Variants in RBBP5 observed in about 807,000 individuals in gnomAD.
RBBP5 encodes the protein retinoblastoma-binding protein 5.
RBBP5 carries 5 observed loss-of-function variants against 72.2 expected under a neutral mutation model. The ratio of observed to expected loss-of-function variants is 0.07; its 90% confidence interval spans 0.04 to 0.15. RBBP5 has a LOEUF of 0.15. RBBP5 is among the 10% of genes least tolerant of loss of function. The pLI, the probability that RBBP5 is intolerant of heterozygous loss-of-function variation, is 1.00. For synonymous variants in RBBP5, 209 were observed against 237.2 expected, an observed-to-expected ratio of 0.88 and a Z score of 1.09; for missense variants, 322 against 652.2, an observed-to-expected ratio of 0.49 and a Z score of 5.51.
intron 5 of RBBP5, among the ~76,000 whole-genome samples, 185 bp from the exon 6 acceptor site, chr1:205,101,894 CTTTTT>C (rs10562809): frequency 3.3e-5 from 4 of 119,736 alleles, no homozygotes; most frequent in Admixed American, 9.1e-5. Context: ...TTAATCTAGT[CTTTTT>C]TTTTTTTTTT....
intron 13 of RBBP5, among the ~76,000 whole-genome samples, chr1:205,093,513 T>C (rs1295140882): frequency 1.0e-4 from 1 of 9,960 alleles, no homozygotes; most frequent in African/African-American, 4.8e-4. Context: ...TATATATATA[T>C]ATATATATAT....
chr1:205,113,759 AC>A (rs1656412545), intron 3 of RBBP5, among the ~76,000 whole-genome samples: 1 of 149,098 alleles, frequency 6.7e-6, no homozygotes, highest in South Asian at 2.1e-4. Context: ...ATCTCAGCTC[AC>A]TGCAACCTCT....
chr1:205,118,504 T>C (rs1235129454), intron 1 of RBBP5, among the ~76,000 whole-genome samples: 1 of 152,068 alleles, frequency 6.6e-6, no homozygotes, highest in African/African-American at 2.4e-5. Context: ...TCCCAGCTAC[T>C]TGGGAGGCTG....
At chr1:205,104,892 GA>G in intron 4 of RBBP5, 135 bp downstream of exon 4, 1 of 1,030,436 alleles carries the variant, frequency 9.7e-7, no homozygotes, top group Non-Finnish European at 1.4e-6. Context: ...AACCTAGATG[GA>G]AAGATTATTT....
rs34699278 is a variant in RBBP5, at chr1:205,113,686, A to ATTT, written c.218+1100_218+1102dup. 4.1e-4 allele frequency among the ~76,000 whole-genome samples: 52 copies of ATTT among 125,770 alleles called. 1 individual carries two copies. The highest frequency in any genetic ancestry group is 2.5e-3 in the South Asian group (11 of 4,376). 82.5% of individuals were successfully genotyped at this position (125,770 alleles called of 152,430 possible). A position where few individuals can be genotyped will look rare whatever the true frequency, so the allele number is the denominator to read the frequency against. On this transcript the variant is annotated intron_variant, in intron 3 of 13. Coordinates refer to ENST00000264515, the MANE Select transcript of RBBP5 (RefSeq NM_005057.4). ...CATACACACACACATAAAAATGTGT[A>ATTT]TTTTTTTTTTTTTTTTGAAACAGAG... is the stretch of plus-strand genomic sequence containing the variant.
intron 4 of RBBP5, 130 bp downstream of exon 4, chr1:205,104,898 T>C (rs113686936): frequency 0.051 from 54,403 of 1,058,794 alleles, 3,342 homozygotes; most frequent in African/African-American, 0.24. Context: ...GATGGAAAGA[T>C]TATTTTATGT....
At chr1:205,094,016 T>C (rs1655518671) in intron 13 of RBBP5, among the ~76,000 whole-genome samples, 1 of 152,120 alleles carries the variant, frequency 6.6e-6, no homozygotes, top group Non-Finnish European at 1.5e-5. Flanking sequence ...AAAAACAATT[T>C]CCAAAGCCCA....
At chr1:205,097,223 T>G (rs571340240) in intron 11 of RBBP5, 103 bp downstream of exon 11, 1 of 1,120,912 alleles carries the variant, frequency 8.9e-7, no homozygotes, top group Middle Eastern at 2.7e-4. Flanking sequence ...TTTTAGCTAA[T>G]AAGCAGACGG....
chr1:205,109,119 T>G (rs4950982), intron 3 of RBBP5, among the ~76,000 whole-genome samples: 1 of 151,968 alleles, frequency 6.6e-6, no homozygotes, highest in Non-Finnish European at 1.5e-5. Flanking sequence ...TCTCTTCTAC[T>G]GGGTCTAGAA....
chr1:205,101,744 T>C (rs368477497), intron 5 of RBBP5, 35 bp from the exon 6 acceptor site: 8 of 1,412,100 alleles, frequency 5.7e-6, no homozygotes, highest in African/African-American at 5.7e-5. Flanking sequence ...AAAGTAAGTG[T>C]TCCAATAACT....
In RBBP5 at chr1:205,096,887, C is replaced by T. The variant is rs1434697921; in HGVS notation, c.1191G>A (p.Lys397=). The stretch of plus-strand genomic sequence containing the variant: ...GGGCAATGGGTAAATACAATAGAGC[C>T]TTTGAATCTTCCAGCTCTTCATCAC... ...CSSDEELEDS[K]ALLYLPIAPE... is the part of the protein sequence containing the mutation. Residue 397 remains lysine (K), a synonymous_variant, in exon 12 of 14, where the codon AAG becomes AAA. Coordinates refer to ENST00000264515, the MANE Select transcript of RBBP5 (RefSeq NM_005057.4). The T allele has an allele frequency of 1.2e-6, 2 of 1,602,584 alleles. No homozygotes were observed. Among genetic ancestry groups the T allele is most frequent in the Non-Finnish European group, 1.7e-6 (2 of 1,175,164 alleles).
At chr1:205,109,876 G>T (rs940757089) in intron 3 of RBBP5, among the ~76,000 whole-genome samples, 1 of 151,968 alleles carries the variant, frequency 6.6e-6, no homozygotes, top group Non-Finnish European at 1.5e-5. Flanking sequence ...TCCTAACAAG[G>T]GGGGTGGCAA....
At chr1:205,107,087 TAC>T (rs140160270) in intron 3 of RBBP5, among the ~76,000 whole-genome samples, 2,999 of 149,916 alleles carry the variant, frequency 0.02, 60 homozygotes, top group Admixed American at 0.065. Context: ...TATATATATA[TAC>T]ACACACACAC....
At position 205,103,987 on chromosome 1, in the gene RBBP5, G is replaced by A; in HGVS notation, c.392C>T (p.Ala131Val). Residue 131 changes from alanine to valine, a missense_variant, in exon 5 of 14, where the codon GCT (alanine) becomes GTT (valine). This residue lies in a region of RBBP5 where 161 missense variants were observed against 327.8 expected (regional missense o/e 0.49). Coordinates refer to ENST00000264515, the MANE Select transcript of RBBP5 (RefSeq NM_005057.4). ...ATCTGAAAGGGTCAACATGACAGGA[G>A]CAGATTTCATGGGACACACGAGAAC... Reference protein sequence around the residue: ...NKVLVCPMKSAPVMLTLSDSK... With the variant: ...NKVLVCPMKSVPVMLTLSDSK... 1 of 1,614,036 alleles carries A rather than the reference G, an allele frequency of 6.2e-7. No individual in the cohort carries two copies. The highest frequency in any genetic ancestry group is 8.5e-7 in the Non-Finnish European group (1 of 1,179,904).
chr1:205,110,324 C>T (rs1475266152), intron 3 of RBBP5, among the ~76,000 whole-genome samples: 1 of 151,974 alleles, frequency 6.6e-6, no homozygotes, highest in Non-Finnish European at 1.5e-5. Context: ...CCAGCCAGTA[C>T]CTACCAGTTC....
chr1:205,103,788 GAAACA>G, intron 5 of RBBP5, 64 bp downstream of exon 5: 6 of 1,544,678 alleles, frequency 3.9e-6, no homozygotes, highest in Non-Finnish European at 5.3e-6. Context: ...ATTTTCAAAA[GAAACA>G]AAACAAGTAA....
chr1:205,086,669 A>G lies in RBBP5; in HGVS notation c.*2118T>C, dbSNP rs1247432327. 1 of 152,238 alleles carries G rather than the reference A, an allele frequency of 6.6e-6. No homozygotes were observed. Among genetic ancestry groups the G allele is most frequent in the Non-Finnish European group, 1.5e-5 (1 of 68,044 alleles). The allele number at this position is 152,238 out of a possible 1,614,324, so 9.4% of individuals were successfully genotyped here. ...GATAGAAGGTTTTTTAAAAGTTGAAAAAAAAATTCCAAAAACATAAATAAT... is the reference window on the plus strand; with the variant it reads ...GATAGAAGGTTTTTTAAAAGTTGAAGAAAAAATTCCAAAAACATAAATAAT... On this transcript the variant is annotated 3_prime_UTR_variant, in exon 14 of 14. Coordinates refer to ENST00000264515, the MANE Select transcript of RBBP5 (RefSeq NM_005057.4).
chr1:205,112,243 G>A (rs1176133671), intron 3 of RBBP5, among the ~76,000 whole-genome samples: 3 of 151,950 alleles, frequency 2.0e-5, no homozygotes, highest in South Asian at 2.1e-4. Context: ...GCCTGAACCC[G>A]GGAGGTGGAG....
In RBBP5 at chr1:205,096,731, C is replaced by T. The variant is rs1655634146; in HGVS notation, c.1347G>A (p.Lys449=). The change falls in exon 12 of 14, where the codon AAG becomes AAA. Residue 449 remains lysine, a synonymous_variant. Transcript: ENST00000264515. Reference sequence around the variant, plus strand: ...CTATATTGGTTGTTTTGGGTTTCTTCTTAGGTGGCTGGGACCCATCTGCTG... The same window carrying T: ...CTATATTGGTTGTTTTGGGTTTCTTTTTAGGTGGCTGGGACCCATCTGCTG... ...QSSADGSQPP[K]KKPKTTNIEL... The T allele has an allele frequency of 6.8e-6, 11 of 1,614,152 alleles. No individual in the cohort carries two copies. The highest frequency in any genetic ancestry group is 9.3e-6 in the Non-Finnish European group (11 of 1,180,032).
Sources: gnomAD v4.1 joint callset for allele counts (sites outside exome capture counted in the v4.1 genomes callset) on GRCh38, gnomAD v4.1.1 for gene constraint, gnomAD v4.1.1 regional missense constraint, MANE v1.5 for transcripts, NCBI Gene and HGNC (gene_info 2026-07-23, HGNC 2026-07-21) for gene names.